ARGFX: variants seen among roughly 807,000 people sequenced by gnomAD.
ARGFX encodes arginine-fifty homeobox.
A neutral mutation model predicts 8.0 loss-of-function variants in ARGFX; 10 were observed. The ratio of observed to expected loss-of-function variants is 1.25; its 90% CI spans 0.77 to 2.12. The LOEUF is 2.12. Ranked by LOEUF, ARGFX falls within the 30% of genes most tolerant of loss-of-function variation. ARGFX has a pLI of 0.00. For missense variants in ARGFX, 282 were observed against 324.3 expected (o/e 0.87, Z 1.00); for synonymous variants, 116 against 117.8 (o/e 0.98, Z 0.10).
chr3:121,568,735 C>T (rs2108832887), intron 1 of ARGFX, among the ~76,000 whole-genome samples: 1 of 152,342 alleles, frequency 6.6e-6, no homozygotes, highest in Non-Finnish European at 1.5e-5. Context: ...TCACATGAAT[C>T]ATGTATATGA....
intron 3 of ARGFX, 106 bp from the exon 4 acceptor site, chr3:121,584,811 T>G: frequency 2.3e-6 from 3 of 1,307,934 alleles, no homozygotes; most frequent in Non-Finnish European, 3.2e-6. Flanking sequence ...AGGAAAGGCA[T>G]GAGAGATTCA....
At chr3:121,568,489 G>T (rs2048686817) in intron 1 of ARGFX, among the ~76,000 whole-genome samples, 2 of 152,222 alleles carry the variant, frequency 1.3e-5, no homozygotes, top group South Asian at 4.1e-4. Context: ...AAGCACTGTA[G>T]ACCAGTTGAA....
Position 121,570,638 on chromosome 3 carries a change from A to T in ARGFX, c.-12-64A>T. 2.7e-6 allele frequency: 3 copies of T among 1,114,584 alleles called. No individual in the cohort carries two copies. In the Admixed American group the frequency reaches 6.8e-5, roughly 25 times the overall value. 69.0% of individuals were successfully genotyped at this position (1,114,584 alleles called of 1,614,324 possible). A position where few individuals can be genotyped will look rare whatever the true frequency, so the allele number is the denominator to read the frequency against. Reference sequence around the variant, plus strand: ...TACATCAAGCCCAGGCTCCTTGAAAACATTGCTATCCAGCGAATGAATTCC... The same window carrying T: ...TACATCAAGCCCAGGCTCCTTGAAATCATTGCTATCCAGCGAATGAATTCC... On this transcript the variant is annotated intron_variant, in intron 1 of 4. Transcript: ENST00000334384.
rs1467240678 is a variant in ARGFX, at chr3:121,588,055, A to G, written c.*1455A>G. On this transcript the variant is annotated 3_prime_UTR_variant, in exon 5 of 5. Transcript: ENST00000334384. ...ATAAAAACAGATTTTTGAAGGTGAG[A>G]TGATAAACTTGCAAAACTCACAAAA... Among the ~76,000 whole-genome samples, 3 of 152,026 alleles carry G rather than the reference A, an allele frequency of 2.0e-5. No homozygotes were observed. The highest frequency in any genetic ancestry group is 7.2e-5 in the African/African-American group (3 of 41,422).
chr3:121,570,528 A>G (rs1048322289), intron 1 of ARGFX, among the ~76,000 whole-genome samples, 174 bp from the exon 2 acceptor site: 1 of 152,232 alleles, frequency 6.6e-6, no homozygotes, highest in Non-Finnish European at 1.5e-5. Flanking sequence ...AAGTACAGCT[A>G]GAGTATTTCT....
intron 3 of ARGFX, among the ~76,000 whole-genome samples, chr3:121,578,737 C>T (rs1345949598): frequency 6.7e-6 from 1 of 149,238 alleles, no homozygotes; most frequent in South Asian, 2.1e-4. Context: ...GGGGCGCGAT[C>T]TCGGCTCACT....
At chr3:121,570,620 A>T in intron 1 of ARGFX, 82 bp from the exon 2 acceptor site, 3 of 866,764 alleles carry the variant, frequency 3.5e-6, no homozygotes, top group Non-Finnish European at 3.5e-6. Context: ...TCATACATCA[A>T]GCCCAGGCTC....
intron 4 of ARGFX, among the ~76,000 whole-genome samples, chr3:121,585,424 A>G (rs943342519): frequency 3.9e-5 from 6 of 152,232 alleles, no homozygotes; most frequent in African/African-American, 1.2e-4. Context: ...AAAGCCCTGC[A>G]ATCTGTTTAT....
chr3:121,579,961 T>C (rs1365743621), intron 3 of ARGFX, among the ~76,000 whole-genome samples: 2 of 140,104 alleles, frequency 1.4e-5, no homozygotes, highest in Non-Finnish European at 3.1e-5. Flanking sequence ...TTTTTTTTTT[T>C]TTTTTTTTTT....
At position 121,586,044 on chromosome 3, in the gene ARGFX, T is replaced by C. The variant is rs1314099645; in HGVS notation, c.392T>C (p.Phe131Ser). 1 of 1,584,242 alleles carries C rather than the reference T, an allele frequency of 6.3e-7. No individual in the cohort carries two copies. Among genetic ancestry groups the C allele is most frequent in the Non-Finnish European group, 8.6e-7 (1 of 1,166,276 alleles). ...TVKVWFRNRR[F>S]KLKKQQQQQS... ...CAGGTTTGGTTCAGGAACCGGCGAT[T>C]CAAATTGAAGAAGCAGCAGCAGCAG... Residue 131 changes from phenylalanine (F) to serine (S), a missense_variant, in exon 5 of 5, where the codon TTC (phenylalanine) becomes TCC (serine). Phe to Ser is a radical substitution (Grantham distance 155). Coordinates refer to ENST00000334384, the MANE Select transcript of ARGFX (RefSeq NM_001012659.2).
Position 121,588,933 on chromosome 3 carries a change from A to G in ARGFX, c.*2333A>G, listed in dbSNP as rs1252678152. ...TTGGGAAATTCACAAATATGTGGAT[A>G]TTAAACAACACATTCCTAAATAACC... On this transcript the variant is annotated 3_prime_UTR_variant, in exon 5 of 5. Transcript: ENST00000334384. Among the ~76,000 whole-genome samples the G allele has an allele frequency of 6.6e-6, 1 of 152,220 alleles. No homozygotes were observed. Among genetic ancestry groups the G allele is most frequent in the African/African-American group, 2.4e-5 (1 of 41,466 alleles).
intron 2 of ARGFX, among the ~76,000 whole-genome samples, chr3:121,571,345 A>G (rs1479361962): frequency 1.3e-5 from 2 of 152,122 alleles, no homozygotes; most frequent in Non-Finnish European, 2.9e-5. Context: ...AAAACTGTAT[A>G]AAAATCTGGT....
intron 2 of ARGFX, among the ~76,000 whole-genome samples, chr3:121,575,593 A>G (rs1450554134): frequency 6.6e-6 from 1 of 152,096 alleles, no homozygotes; most frequent in Non-Finnish European, 1.5e-5. Flanking sequence ...TCATCACTTC[A>G]GAGTGTCACT....
At chr3:121,576,735 C>G (rs1037255766) in intron 2 of ARGFX, 49 bp from the exon 3 acceptor site, 1 of 322,508 alleles carries the variant, frequency 3.1e-6, no homozygotes, top group South Asian at 2.3e-5. Context: ...TTCTTTCTTT[C>G]TTTCTTTCTT....
intron 1 of ARGFX, among the ~76,000 whole-genome samples, chr3:121,569,216 G>A (rs779605685): frequency 6.6e-6 from 1 of 152,134 alleles, no homozygotes; most frequent in Admixed American, 6.6e-5. Context: ...CTATTGAAGT[G>A]TAAGAAGAAA....
At chr3:121,571,865 G>T (rs1041577604) in intron 2 of ARGFX, among the ~76,000 whole-genome samples, 2 of 149,572 alleles carry the variant, frequency 1.3e-5, no homozygotes, top group African/African-American at 4.9e-5. Context: ...TTCCGCTCTT[G>T]TTGCCCAGGC....
chr3:121,579,940 C>CT (rs1204013765), intron 3 of ARGFX, among the ~76,000 whole-genome samples: 10 of 43,262 alleles, frequency 2.3e-4, no homozygotes, highest in African/African-American at 4.4e-4. Context: ...CTTTTCTTTT[C>CT]TTTTCTTTTT....
Position 121,586,275 on chromosome 3 carries a change from C to G in ARGFX, c.623C>G (p.Thr208Ser). ...ACCAGTGACTTCCAAATGCAAGATA[C>G]TCAGTGGGAGAGGCTGGTGGCCTCG... is the stretch of plus-strand genomic sequence containing the variant. ...SSTSDFQMQDTQWERLVASVP... is the reference protein window; with the variant it reads ...SSTSDFQMQDSQWERLVASVP... Residue 208 changes from threonine (T) to serine (S), a missense_variant, in exon 5 of 5, where the codon ACT becomes AGT. Transcript: ENST00000334384. 1 of 1,614,216 alleles carries G rather than the reference C, an allele frequency of 6.2e-7. No individual in the cohort carries two copies. Among genetic ancestry groups the G allele is most frequent in the Non-Finnish European group, 8.5e-7 (1 of 1,180,054 alleles).
In ARGFX at chr3:121,570,813, C is replaced by A; in HGVS notation, c.100C>A (p.Pro34Thr). 1 of 1,593,594 alleles carries A rather than the reference C, an allele frequency of 6.3e-7. No homozygotes were observed. Among genetic ancestry groups the A allele is most frequent in the South Asian group, 1.1e-5 (1 of 87,562 alleles). ...KVIPPQDPASPSFTLLSKLEC... is the reference protein window; with the variant it reads ...KVIPPQDPASTSFTLLSKLEC... ...GATACCACCACAGGATCCAGCTAGT[C>A]CCAGTGAGTATCATCCTTCTTTGTC... The change falls in exon 2 of 5, where the codon CCC (proline) becomes ACC (threonine). Residue 34 changes from proline to threonine, a missense_variant. Transcript: ENST00000334384.
Sources: gnomAD v4.1 joint callset for allele counts (sites outside exome capture counted in the v4.1 genomes callset) on GRCh38, gnomAD v4.1.1 for gene constraint, MANE v1.5 for transcripts, NCBI Gene and HGNC (gene_info 2026-07-23, HGNC 2026-07-21) for gene names.